The following NAALADL2 variants were observed in gnomAD, a reference collection of about 807,000 sequenced individuals.
NAALADL2 encodes the protein N-acetylated alpha-linked acidic dipeptidase like 2.
NAALADL2 carries 76 observed loss-of-function variants against 87.2 expected under a neutral mutation model. That is an observed-to-expected ratio of 0.87 (90% confidence interval 0.72 to 1.05). The LOEUF is 1.05. Ranked by LOEUF, NAALADL2 falls within the 50% of genes least tolerant of loss-of-function variation. NAALADL2 has a pLI of 0.00. For synonymous variants in NAALADL2, 354 were observed against 331.0 expected (o/e 1.07, Z -0.75); for missense variants, 1,089 against 945.8 (o/e 1.15, Z -1.99).
chr3:174,809,299 C>T (rs919723810), intron 3 of NAALADL2, among the ~76,000 whole-genome samples: 60 of 152,208 alleles, frequency 3.9e-4, no homozygotes, highest in African/African-American at 1.4e-3. Context: ...TAGAACGTAG[C>T]AGGAGCTTTT....
intron 1 of NAALADL2, among the ~76,000 whole-genome samples, chr3:175,053,608 T>G (rs1245079648): frequency 6.6e-6 from 1 of 152,240 alleles, no homozygotes; most frequent in Admixed American, 6.5e-5. Context: ...GCATAACCTC[T>G]GCCCCAAGTT....
intron 3 of NAALADL2, among the ~76,000 whole-genome samples, chr3:174,843,454 A>C (rs2109432615): frequency 6.6e-6 from 1 of 152,186 alleles, no homozygotes; most frequent in South Asian, 2.1e-4. Flanking sequence ...TTGACACGTG[A>C]GTTGATTCCA....
intron 1 of NAALADL2, among the ~76,000 whole-genome samples, chr3:175,077,488 GA>G (rs750252637): frequency 6.6e-6 from 1 of 151,994 alleles, no homozygotes; most frequent in Non-Finnish European, 1.5e-5. Flanking sequence ...TGGGAAATCA[GA>G]AAAAAATCAC....
At chr3:175,325,993 T>G (rs915505066) in intron 5 of NAALADL2, among the ~76,000 whole-genome samples, 1 of 152,234 alleles carries the variant, frequency 6.6e-6, no homozygotes, top group Admixed American at 6.5e-5. Flanking sequence ...CAAATTTTTC[T>G]GTTCTACTTC....
intron 2 of NAALADL2, among the ~76,000 whole-genome samples, chr3:174,687,898 C>A (rs1440239904): frequency 1.3e-5 from 2 of 152,012 alleles, no homozygotes; most frequent in Non-Finnish European, 2.9e-5. Flanking sequence ...CTCTTGCCTG[C>A]CACCATATAA....
chr3:174,698,816 A>T (rs918457012), intron 2 of NAALADL2, among the ~76,000 whole-genome samples: 6 of 134,208 alleles, frequency 4.5e-5, no homozygotes, highest in Non-Finnish European at 7.5e-5. Flanking sequence ...GTGAGCCGAG[A>T]TCCCGCCACT....
At chr3:175,193,928 G>A (rs1391732573) in intron 2 of NAALADL2, among the ~76,000 whole-genome samples, 3 of 151,788 alleles carry the variant, frequency 2.0e-5, no homozygotes, top group Non-Finnish European at 3.0e-5. Context: ...ATACCATTAG[G>A]ACTTTTAACA....
intron 3 of NAALADL2, among the ~76,000 whole-genome samples, chr3:174,747,949 G>A (rs934571106): frequency 1.3e-5 from 2 of 152,004 alleles, no homozygotes; most frequent in East Asian, 3.9e-4. Context: ...AAGAAAATAT[G>A]GTATATTTAC....
At chr3:175,786,921 C>T (rs1166411363) in intron 13 of NAALADL2, among the ~76,000 whole-genome samples, 1 of 152,108 alleles carries the variant, frequency 6.6e-6, no homozygotes, top group East Asian at 1.9e-4. Flanking sequence ...TGTTAGTTTT[C>T]CTTCTAACAG....
chr3:175,281,329 A>AT (rs1227273103), intron 4 of NAALADL2, among the ~76,000 whole-genome samples: 1 of 151,826 alleles, frequency 6.6e-6, no homozygotes, highest in East Asian at 1.9e-4. Flanking sequence ...TTAAGGTTTA[A>AT]TTGCCTCTTA....
rs779617234 is a variant in NAALADL2, at chr3:175,096,912, C to T, written c.166C>T (p.Leu56=). 4.3e-6 allele frequency: 7 copies of T among 1,613,432 alleles called. No individual in the cohort carries two copies. The African/African-American group carries it at 5.3e-5, about 12-fold the overall frequency. Residue 56 remains leucine, a synonymous_variant, in exon 2 of 14, where the codon CTA becomes TTA. Transcript: ENST00000454872. ...CTTAGAGTGGGACATGGAGAAGGAA[C>T]TAGAGGAGTCTGGTTTTGACCAATT... is the stretch of plus-strand genomic sequence containing the variant. ...LDLEWDMEKE[L]EESGFDQFQL... is the part of the protein sequence containing the mutation.
intron 2 of NAALADL2, among the ~76,000 whole-genome samples, chr3:174,610,587 A>G (rs1375408487): frequency 6.6e-6 from 1 of 152,202 alleles, no homozygotes; most frequent in East Asian, 1.9e-4. Flanking sequence ...ACTGGCCATC[A>G]GAGAAATGCA....
intron 3 of NAALADL2, among the ~76,000 whole-genome samples, chr3:174,813,259 A>G (rs1426677506): frequency 6.6e-6 from 1 of 152,062 alleles, no homozygotes; most frequent in Admixed American, 6.6e-5. Context: ...AGTAACATTA[A>G]TGATAGCTGA....
intron 3 of NAALADL2, among the ~76,000 whole-genome samples, chr3:174,852,442 C>A (rs545072400): frequency 5.8e-4 from 88 of 151,884 alleles, no homozygotes; most frequent in African/African-American, 2.0e-3. Flanking sequence ...TAAAAAGAAA[C>A]CAAAAAAGTA....
At chr3:175,769,203 C>T (rs1422459045) in intron 13 of NAALADL2, among the ~76,000 whole-genome samples, 4 of 152,220 alleles carry the variant, frequency 2.6e-5, no homozygotes, top group Admixed American at 2.0e-4. Flanking sequence ...TACGCAGTGT[C>T]TACCATAGGC....
chr3:175,806,076 A>AGAC lies in NAALADL2; in HGVS notation c.*2874_*2876dup, dbSNP rs559215116. 5.1e-4 allele frequency: 77 copies of AGAC among 152,034 alleles called. No individual in the cohort carries two copies. Among genetic ancestry groups the AGAC allele is most frequent in the African/African-American group, 1.8e-3 (75 of 41,528 alleles). The allele number at this position is 152,034 out of a possible 1,614,324, so 9.4% of individuals were successfully genotyped here. On this transcript the variant is annotated 3_prime_UTR_variant, in exon 14 of 14. Transcript: ENST00000454872. The stretch of plus-strand genomic sequence containing the variant: ...CAGTATATCTTGCTTCTCCCTGAGG[A>AGAC]GACAGGGTTATAAATGATCTTTTCC...
chr3:174,609,719 C>T (rs193026318), intron 2 of NAALADL2, among the ~76,000 whole-genome samples: 1,691 of 152,232 alleles, frequency 0.011, 15 homozygotes, highest in Non-Finnish European at 0.018. Context: ...GAATCAATAT[C>T]GTGAAAATGG....
chr3:174,796,951 G>C (rs530591321), intron 3 of NAALADL2, among the ~76,000 whole-genome samples: 1 of 152,114 alleles, frequency 6.6e-6, no homozygotes, highest in African/African-American at 2.4e-5. Context: ...TGCAGATCTT[G>C]TTAGTTTAAT....
chr3:174,516,183 T>C (rs891921675), intron 1 of NAALADL2, among the ~76,000 whole-genome samples: 4 of 152,108 alleles, frequency 2.6e-5, no homozygotes, highest in African/African-American at 9.6e-5. Context: ...ACTTCTAAAA[T>C]ATTAATAGCA....
Sources: gnomAD v4.1 joint callset for allele counts (sites outside exome capture counted in the v4.1 genomes callset) on GRCh38, gnomAD v4.1.1 for gene constraint, MANE v1.5 for transcripts, NCBI Gene and HGNC (gene_info 2026-07-23, HGNC 2026-07-21) for gene names.